Variants in HTR7 observed in about 807,000 individuals in gnomAD.
HTR7 encodes the protein 5-HT-7.
A neutral mutation model predicts 34.0 loss-of-function variants in HTR7; 16 were observed. That is an observed-to-expected ratio of 0.47 (90% confidence interval 0.32 to 0.71). HTR7 has a LOEUF of 0.71. Ranked by LOEUF, HTR7 falls within the 30% of genes least tolerant of loss-of-function variation. The pLI, the probability that HTR7 is intolerant of heterozygous loss-of-function variation, is 0.04. For missense variants in HTR7, 504 were observed against 625.5 expected (o/e 0.81, Z 2.07); for synonymous variants, 265 against 260.2 (o/e 1.02, Z -0.18).
rs183841745 is a variant in HTR7, at chr10:90,825,985, A to G, written c.539+31148T>C. 5.9e-5 allele frequency among the ~76,000 whole-genome samples: 9 copies of G among 152,322 alleles called. No individual in the cohort carries two copies. The East Asian group carries it at 1.2e-3, about 20-fold the overall frequency. ...GAACTTGACAAACCTAGAGAAAGCT[A>G]TCAATATCCAAGTAAAAGAAGATTA... On this transcript the variant is annotated intron_variant, in intron 1 of 3. Transcript: ENST00000336152.
chr10:90,783,194 G>A (rs1464440590), intron 1 of HTR7, among the ~76,000 whole-genome samples: 1 of 152,146 alleles, frequency 6.6e-6, no homozygotes, highest in Non-Finnish European at 1.5e-5. Context: ...CTGGACCTCA[G>A]GAGAAGGATG....
chr10:90,830,475 G>A (rs761601628), intron 1 of HTR7, among the ~76,000 whole-genome samples: 2 of 152,106 alleles, frequency 1.3e-5, no homozygotes, highest in African/African-American at 4.8e-5. Flanking sequence ...GCAATAACGT[G>A]AGCAAAAGTC....
intron 1 of HTR7, among the ~76,000 whole-genome samples, chr10:90,839,419 G>T (rs1229542612): frequency 6.6e-6 from 1 of 152,042 alleles, no homozygotes; most frequent in African/African-American, 2.4e-5. Context: ...CTTTTTGGTA[G>T]ATGGTTCTGC....
intron 1 of HTR7, among the ~76,000 whole-genome samples, chr10:90,815,582 C>A (rs1461643852): frequency 1.3e-5 from 2 of 152,056 alleles, no homozygotes; most frequent in African/African-American, 4.8e-5. Flanking sequence ...TGTGGGGGGC[C>A]TGAGGGAGAG....
chr10:90,824,636 C>T (rs145383559), intron 1 of HTR7, among the ~76,000 whole-genome samples: 75 of 152,306 alleles, frequency 4.9e-4, no homozygotes, highest in African/African-American at 1.7e-3. Context: ...CAGAGGGGAA[C>T]ATATTTCCCT....
chr10:90,793,716 G>A (rs577888615), intron 1 of HTR7, among the ~76,000 whole-genome samples: 178 of 152,120 alleles, frequency 1.2e-3, no homozygotes, highest in African/African-American at 4.0e-3. Context: ...CCCACAATAG[G>A]CTATCTGCAA....
At chr10:90,777,591 C>A (rs534557272) in intron 1 of HTR7, among the ~76,000 whole-genome samples, 97 of 152,186 alleles carry the variant, frequency 6.4e-4, no homozygotes, top group African/African-American at 2.2e-3. Flanking sequence ...CCAACCAAGT[C>A]TGTCCATTTT....
chr10:90,772,745 C>T (rs1252042863), intron 1 of HTR7, among the ~76,000 whole-genome samples: 1 of 152,112 alleles, frequency 6.6e-6, no homozygotes, highest in African/African-American at 2.4e-5. Context: ...AAAAGCAGAA[C>T]AAGAACAAAA....
intron 1 of HTR7, among the ~76,000 whole-genome samples, chr10:90,801,432 A>G (rs539124614): frequency 4.6e-5 from 7 of 152,336 alleles, no homozygotes; most frequent in South Asian, 2.1e-4. Flanking sequence ...AAAGAAATCA[A>G]TATTTTACCC....
chr10:90,828,242 G>C (rs995863851), intron 1 of HTR7, among the ~76,000 whole-genome samples: 1 of 152,122 alleles, frequency 6.6e-6, no homozygotes, highest in East Asian at 1.9e-4. Context: ...ATAGTTATAA[G>C]TGCCTACATA....
chr10:90,764,233 G>T (rs563542402), intron 1 of HTR7, among the ~76,000 whole-genome samples: 1 of 152,128 alleles, frequency 6.6e-6, no homozygotes. Flanking sequence ...TTCTTCCTAT[G>T]TTTGTTGGCC....
At chr10:90,847,528 T>A (rs1454860414) in intron 1 of HTR7, among the ~76,000 whole-genome samples, 4 of 152,022 alleles carry the variant, frequency 2.6e-5, no homozygotes, top group Non-Finnish European at 4.4e-5. Flanking sequence ...TCCTTTGAAG[T>A]GAAAGGAGTC....
chr10:90,821,077 T>A (rs569302665), intron 1 of HTR7, among the ~76,000 whole-genome samples: 1 of 151,900 alleles, frequency 6.6e-6, no homozygotes, highest in East Asian at 1.9e-4. Flanking sequence ...TCATCCTCCC[T>A]GAAGAAATAT....
intron 1 of HTR7, among the ~76,000 whole-genome samples, chr10:90,813,235 G>T (rs1589462439): frequency 6.6e-6 from 1 of 152,162 alleles, no homozygotes; most frequent in East Asian, 1.9e-4. Context: ...CTGTTTGGTG[G>T]TCTCTTCACA....
At chr10:90,746,696 A>G (rs567822993) in intron 2 of HTR7, among the ~76,000 whole-genome samples, 5 of 152,234 alleles carry the variant, frequency 3.3e-5, no homozygotes, top group Admixed American at 2.0e-4. Context: ...GCTCATTAAC[A>G]CTCACTTCAC....
At chr10:90,795,000 A>G (rs1414812640) in intron 1 of HTR7, among the ~76,000 whole-genome samples, 16 of 152,244 alleles carry the variant, frequency 1.1e-4, no homozygotes, top group Non-Finnish European at 2.4e-4. Context: ...TCATTGACCG[A>G]AAAAGCATTA....
intron 1 of HTR7, among the ~76,000 whole-genome samples, chr10:90,795,698 A>T (rs1845526776): frequency 1.3e-5 from 2 of 152,332 alleles, no homozygotes; most frequent in South Asian, 4.1e-4. Context: ...CAGCCTCAGG[A>T]GGTCCTAATG....
At chr10:90,822,260 C>A (rs929584594) in intron 1 of HTR7, among the ~76,000 whole-genome samples, 4 of 152,158 alleles carry the variant, frequency 2.6e-5, no homozygotes, top group Non-Finnish European at 5.9e-5. Context: ...AAAGTCCAGG[C>A]TGAAGTCTCA....
chr10:90,746,924 AC>A (rs1844647373), intron 2 of HTR7, among the ~76,000 whole-genome samples: 1 of 152,210 alleles, frequency 6.6e-6, no homozygotes, highest in South Asian at 2.1e-4. Flanking sequence ...ACTTAGAGTA[AC>A]AATTCATTCT....
Sources: allele counts gnomAD v4.1 joint callset (sites outside exome capture counted in the v4.1 genomes callset), GRCh38; gene constraint gnomAD v4.1.1; transcripts MANE v1.5; gene names NCBI Gene and HGNC (gene_info 2026-07-23, HGNC 2026-07-21).